IL34: variants seen among roughly 807,000 people sequenced by gnomAD.
IL34 encodes the protein interleukin 34.
IL34 carries 17 observed loss-of-function variants against 25.3 expected under a neutral mutation model. The observed-to-expected ratio is 0.67, with a 90% CI of 0.46 to 1.01. The LOEUF is 1.01. Among genes scored for constraint, IL34 ranks in the 50% least tolerant of loss-of-function variants. The pLI is 0.00. For synonymous variants in IL34, 174 were observed against 140.9 expected (o/e 1.23, Z -1.66); for missense variants, 368 against 312.9 (o/e 1.18, Z -1.33).
intron 1 of IL34, among the ~76,000 whole-genome samples, chr16:70,623,430 CA>C (rs1356690780): frequency 4.0e-5 from 6 of 151,744 alleles, no homozygotes; most frequent in African/African-American, 1.5e-4. Context: ...TTAGGACAGG[CA>C]AAATGGGGGA....
At chr16:70,625,992 G>T (rs999225564) in intron 1 of IL34, among the ~76,000 whole-genome samples, 5 of 152,170 alleles carry the variant, frequency 3.3e-5, no homozygotes, top group South Asian at 2.1e-4. Flanking sequence ...GAGGTCCCCC[G>T]ATCCGAGTCA....
intron 1 of IL34, among the ~76,000 whole-genome samples, chr16:70,602,444 G>T (rs1050907297): frequency 6.6e-6 from 1 of 152,106 alleles, no homozygotes; most frequent in Non-Finnish European, 1.5e-5. Flanking sequence ...GAGGTGGAAA[G>T]ATCACTTGAG....
intron 1 of IL34, among the ~76,000 whole-genome samples, chr16:70,632,668 T>G (rs768965023): frequency 6.6e-6 from 1 of 152,042 alleles, no homozygotes; most frequent in African/African-American, 2.4e-5. Flanking sequence ...TGTTTGTGTT[T>G]GAGAGAGTGA....
rs147011750 is a variant in IL34, at chr16:70,635,079, C to T, written c.-400-11469C>T. On this transcript the variant is annotated intron_variant, in intron 1 of 6. Transcript: ENST00000429149. Reference sequence around the variant, plus strand: ...GCATTCTTGGTCATTCGTCTTATGGCCATAGAGTTTGATTTTTCTAGGTTA... The same window carrying T: ...GCATTCTTGGTCATTCGTCTTATGGTCATAGAGTTTGATTTTTCTAGGTTA... Among the ~76,000 whole-genome samples the T allele has an allele frequency of 1.7e-3, 261 of 152,146 alleles. 1 individual carries two copies. Among genetic ancestry groups the T allele is most frequent in the Middle Eastern group, 3.4e-3 (1 of 294 alleles).
intron 1 of IL34, among the ~76,000 whole-genome samples, chr16:70,602,808 A>G (rs2050938858): frequency 6.6e-6 from 1 of 152,108 alleles, no homozygotes; most frequent in Non-Finnish European, 1.5e-5. Flanking sequence ...CCATGTGGCT[A>G]GGACACTAGG....
rs1567437665 is a variant in IL34 at position 70,594,957 on chromosome 16, T to TCTC, written c.-401+14908_-401+14909insCTC. 5.3e-5 allele frequency among the ~76,000 whole-genome samples: 7 copies of TCTC among 133,096 alleles called. No homozygotes were observed. In the South Asian group the frequency reaches 6.5e-4, roughly 12 times the overall value. The allele number at this position is 133,096 out of a possible 152,430, so 87.3% of individuals were successfully genotyped here. Reference sequence around the variant, plus strand: ...TTTATCTCTCTCTCTCTCTCTCTCTTTTTTTTTTTTTTTCTGAGACAGAGT... The same window carrying TCTC: ...TTTATCTCTCTCTCTCTCTCTCTCTTCTCTTTTTTTTTTTTTCTGAGACAGAGT... On this transcript the variant is annotated intron_variant, in intron 1 of 6. Transcript: ENST00000429149.
chr16:70,601,050 G>A (rs1180594297), intron 1 of IL34, among the ~76,000 whole-genome samples: 1 of 151,976 alleles, frequency 6.6e-6, no homozygotes, highest in African/African-American at 2.4e-5. Flanking sequence ...AGAAGTAGGG[G>A]ATGCTGGGAG....
intron 1 of IL34, among the ~76,000 whole-genome samples, chr16:70,618,990 G>C (rs1226150513): frequency 6.6e-6 from 1 of 152,118 alleles, no homozygotes; most frequent in East Asian, 1.9e-4. Flanking sequence ...ATAGAGGCAG[G>C]TATTGAGGAT....
intron 1 of IL34, among the ~76,000 whole-genome samples, chr16:70,618,231 A>G (rs190403073): frequency 1.4e-4 from 21 of 152,152 alleles, no homozygotes; most frequent in African/African-American, 3.9e-4. Context: ...ACCTCCATCA[A>G]TAAATCAAGC....
chr16:70,644,703 AGGAGGAGGG>A, upstream of IL34, among the ~76,000 whole-genome samples: 1 of 77,828 alleles, frequency 1.3e-5, no homozygotes, highest in African/African-American at 5.2e-5. Context: ...GGTGAGGAGG[AGGAGGAGGG>A]GGAGGAGGAG....
chr16:70,646,093 A>G (rs151102780), upstream of IL34, among the ~76,000 whole-genome samples: 24 of 152,016 alleles, frequency 1.6e-4, 1 homozygote, highest in African/African-American at 5.3e-4. Context: ...TTTTATTAAT[A>G]GAACTGAGGT....
At chr16:70,621,823 C>A (rs552683406) in intron 1 of IL34, among the ~76,000 whole-genome samples, 42 of 151,916 alleles carry the variant, frequency 2.8e-4, no homozygotes, top group African/African-American at 9.2e-4. Context: ...TCGCAAGGTG[C>A]TCAGTGGGGG....
intron 2 of IL34, among the ~76,000 whole-genome samples, chr16:70,656,156 C>G (rs931950423): frequency 6.6e-6 from 1 of 152,148 alleles, no homozygotes; most frequent in African/African-American, 2.4e-5. Context: ...GTGTTTTTAT[C>G]CCAGCTGGGA....
At chr16:70,653,284 G>T (rs1014397565) in intron 1 of IL34, among the ~76,000 whole-genome samples, 1 of 150,798 alleles carries the variant, frequency 6.6e-6, no homozygotes, top group African/African-American at 2.4e-5. Flanking sequence ...AGGCCACGAT[G>T]GAAGGACCGC....
At chr16:70,651,429 G>C (rs1283880206) in intron 1 of IL34, among the ~76,000 whole-genome samples, 1 of 152,202 alleles carries the variant, frequency 6.6e-6, no homozygotes, top group Non-Finnish European at 1.5e-5. Context: ...AAGAGGGAGA[G>C]AGGAAGTGCA....
intron 1 of IL34, among the ~76,000 whole-genome samples, chr16:70,630,022 C>A (rs982338722): frequency 6.6e-6 from 1 of 152,204 alleles, no homozygotes; most frequent in Non-Finnish European, 1.5e-5. Context: ...ATTCTTCCAG[C>A]CTCTGGTAAC....
At chr16:70,625,793 C>A (rs565310838) in intron 1 of IL34, among the ~76,000 whole-genome samples, 1 of 151,908 alleles carries the variant, frequency 6.6e-6, no homozygotes, top group East Asian at 1.9e-4. Flanking sequence ...AAGTGTGACG[C>A]CAAGATTGAA....
At chr16:70,622,474 C>T (rs1434336256) in intron 1 of IL34, among the ~76,000 whole-genome samples, 3 of 150,952 alleles carry the variant, frequency 2.0e-5, no homozygotes, top group Admixed American at 6.6e-5. Flanking sequence ...TTCTGAGAGG[C>T]GGGCTAGTGG....
At chr16:70,587,442 T>A (rs891764939) in intron 1 of IL34, among the ~76,000 whole-genome samples, 11 of 152,006 alleles carry the variant, frequency 7.2e-5, no homozygotes, top group African/African-American at 2.7e-4. Context: ...GCTAATTTTT[T>A]ATATTTTTTT....
Sources: gnomAD v4.1 joint callset for allele counts (sites outside exome capture counted in the v4.1 genomes callset) on GRCh38, gnomAD v4.1.1 for gene constraint, MANE v1.5 for transcripts, NCBI Gene and HGNC (gene_info 2026-07-23, HGNC 2026-07-21) for gene names.